CACNA1D: variants seen among roughly 807,000 people sequenced by gnomAD.
CACNA1D encodes the protein voltage-dependent L-type calcium channel subunit alpha-1D.
Under a neutral mutation model 257.1 loss-of-function variants are expected in CACNA1D, and 55 were observed. The ratio of observed to expected loss-of-function variants is 0.21; its 90% CI spans 0.17 to 0.27. The LOEUF is 0.27. Among genes scored for constraint, CACNA1D ranks in the 10% least tolerant of loss-of-function variants. The pLI, the probability that CACNA1D is intolerant of heterozygous loss-of-function variation, is 1.00. For missense variants in CACNA1D, 1,876 were observed against 2,784.0 expected, an observed-to-expected ratio of 0.67 and a Z score of 7.34; for synonymous variants, 980 against 1,014.9, an observed-to-expected ratio of 0.97 and a Z score of 0.65.
chr3:53,497,605 T>C, intron 2 of CACNA1D, 144 bp downstream of exon 2: 4 of 803,458 alleles, frequency 5.0e-6, no homozygotes, highest in East Asian at 5.2e-5. Flanking sequence ...TCATTGTATA[T>C]ACCTTCCTGT....
chr3:53,586,762 A>G (rs188290022), intron 3 of CACNA1D, among the ~76,000 whole-genome samples: 13 of 152,344 alleles, frequency 8.5e-5, no homozygotes, highest in Admixed American at 2.0e-4. Context: ...ACGATAAGGT[A>G]CTAGCCCCCT....
chr3:53,672,991 C>G, intron 7 of CACNA1D, 32 bp from the exon 8 acceptor site: 3 of 1,397,242 alleles, frequency 2.1e-6, no homozygotes, highest in Admixed American at 2.0e-5. Flanking sequence ...TCTTATTAAC[C>G]CACTCCTATG....
chr3:53,559,726 C>G (rs1377901299), intron 3 of CACNA1D, among the ~76,000 whole-genome samples: 1 of 152,184 alleles, frequency 6.6e-6, no homozygotes, highest in African/African-American at 2.4e-5. Flanking sequence ...TGTGATGTAA[C>G]TCTCTTGAGC....
intron 8 of CACNA1D, among the ~76,000 whole-genome samples, chr3:53,693,917 G>A (rs2094550790): frequency 6.6e-6 from 1 of 152,030 alleles, no homozygotes; most frequent in Admixed American, 6.6e-5. Flanking sequence ...AGATAGCATT[G>A]CAACACAAGA....
At chr3:53,580,322 C>T (rs888012045) in intron 3 of CACNA1D, among the ~76,000 whole-genome samples, 5 of 152,222 alleles carry the variant, frequency 3.3e-5, no homozygotes, top group Admixed American at 1.3e-4. Context: ...TCTGGATGCT[C>T]GTGTTCCACT....
chr3:53,535,334 A>C (rs1575784927), intron 3 of CACNA1D, among the ~76,000 whole-genome samples: 2 of 152,216 alleles, frequency 1.3e-5, no homozygotes, highest in African/African-American at 2.4e-5. Context: ...TAGGGAAGCC[A>C]GTCCATCTGC....
At chr3:53,684,561 C>T (rs6765876) in intron 8 of CACNA1D, among the ~76,000 whole-genome samples, 78,827 of 145,422 alleles carry the variant, frequency 0.54, 21,305 homozygotes, top group East Asian at 0.78. Context: ...AGGTGGAGGT[C>T]GTGGTGAGCT....
chr3:53,656,800 GA>G (rs958461126), intron 4 of CACNA1D, among the ~76,000 whole-genome samples: 12 of 152,260 alleles, frequency 7.9e-5, no homozygotes, highest in African/African-American at 2.9e-4. Context: ...ACAAACATCT[GA>G]AAAGATGCTC....
chr3:53,610,123 A>G (rs2093565096), intron 3 of CACNA1D, among the ~76,000 whole-genome samples: 1 of 152,170 alleles, frequency 6.6e-6, no homozygotes, highest in Admixed American at 6.6e-5. Context: ...AAACATTTTC[A>G]ATGTATTAAT....
At chr3:53,798,999 C>T (rs535910693) in intron 40 of CACNA1D, among the ~76,000 whole-genome samples, 10 of 152,338 alleles carry the variant, frequency 6.6e-5, no homozygotes, top group Admixed American at 5.2e-4. Flanking sequence ...GTCTCCTCTC[C>T]GAGGACCCAC....
chr3:53,647,713 A>T lies in CACNA1D; in HGVS notation c.484-3066A>T, dbSNP rs144145600. On this transcript the variant is annotated intron_variant, in intron 3 of 47. Coordinates refer to ENST00000350061, the MANE Select transcript of CACNA1D (RefSeq NM_001128840.3). Reference sequence around the variant, plus strand: ...TTGCAAGATTTAAAAATAATACTTCATTTGTTGAATGTGGAGGGATACCTG... The same window carrying T: ...TTGCAAGATTTAAAAATAATACTTCTTTTGTTGAATGTGGAGGGATACCTG... Among the ~76,000 whole-genome samples the T allele has an allele frequency of 2.6e-5, 4 of 152,294 alleles. No individual in the cohort carries two copies. In the East Asian group the frequency reaches 7.7e-4, roughly 29 times the overall value.
At chr3:53,696,463 C>T (rs1265052343) in intron 8 of CACNA1D, among the ~76,000 whole-genome samples, 3 of 152,330 alleles carry the variant, frequency 2.0e-5, no homozygotes, top group South Asian at 4.1e-4. Flanking sequence ...TAGTCACTCA[C>T]CAGCGGGGAT....
intron 8 of CACNA1D, among the ~76,000 whole-genome samples, chr3:53,687,943 C>T (rs1231067754): frequency 2.0e-5 from 3 of 152,178 alleles, no homozygotes; most frequent in East Asian, 1.9e-4. Flanking sequence ...CAAGTGTCAC[C>T]AAGAGTACAG....
chr3:53,692,993 G>A (rs2094541698), intron 8 of CACNA1D, among the ~76,000 whole-genome samples: 1 of 152,220 alleles, frequency 6.6e-6, no homozygotes, highest in South Asian at 2.1e-4. Flanking sequence ...AGGAGGTGGA[G>A]GGCATGCCAC....
chr3:53,617,193 G>GC (rs1373606803), intron 3 of CACNA1D, among the ~76,000 whole-genome samples: 1 of 152,166 alleles, frequency 6.6e-6, no homozygotes, highest in Non-Finnish European at 1.5e-5. Context: ...GAAGCATCCA[G>GC]CTCCCATACC....
chr3:53,685,134 T>C (rs2094463606), intron 8 of CACNA1D, among the ~76,000 whole-genome samples: 1 of 152,070 alleles, frequency 6.6e-6, no homozygotes, highest in Admixed American at 6.6e-5. Context: ...TATAAAGACA[T>C]GGATTAAAAA....
chr3:53,535,627 A>C (rs1275233967), intron 3 of CACNA1D, among the ~76,000 whole-genome samples: 1 of 152,184 alleles, frequency 6.6e-6, no homozygotes, highest in Non-Finnish European at 1.5e-5. Flanking sequence ...TTGAGGTTGC[A>C]AAAAGCAAAC....
chr3:53,732,859 C>T lies in CACNA1D; in HGVS notation c.2518C>T (p.Pro840Ser), dbSNP rs747902160. Residue 840 changes from proline (P) to serine (S), a missense_variant, in exon 19 of 48, where the codon CCT (proline) becomes TCT (serine). Physicochemically the swap from Pro to Ser is moderately conservative, Grantham distance 74 (BLOSUM62 -1). Transcript: ENST00000350061. Reference sequence around the variant, plus strand: ...AGAGGAGGAGGATGAACCTGAGGTTCCTGCCGGACCCCGTCCTCGAAGGAT... The same window carrying T: ...AGAGGAGGAGGATGAACCTGAGGTTTCTGCCGGACCCCGTCCTCGAAGGAT... ...EEEEEDEPEV[P>S]AGPRPRRISE... 4 of 1,613,812 alleles carry T rather than the reference C, an allele frequency of 2.5e-6. No individual in the cohort carries two copies. The South Asian group carries it at 4.4e-5, about 18-fold the overall frequency.
intron 3 of CACNA1D, among the ~76,000 whole-genome samples, chr3:53,609,156 A>G (rs2093551411): frequency 6.6e-6 from 1 of 152,200 alleles, no homozygotes; most frequent in Non-Finnish European, 1.5e-5. Context: ...CACGCCTGTA[A>G]TCCCAACACT....
Sources: allele counts gnomAD v4.1 joint callset (sites outside exome capture counted in the v4.1 genomes callset), GRCh38; gene constraint gnomAD v4.1.1; transcripts MANE v1.5; gene names NCBI Gene and HGNC (gene_info 2026-07-23, HGNC 2026-07-21).